The following CHD5 variants were observed in gnomAD, a reference collection of about 807,000 sequenced individuals.
CHD5 encodes chromodomain helicase DNA binding protein 5.
A neutral mutation model predicts 230.3 loss-of-function variants in CHD5; 69 were observed. The ratio of observed to expected loss-of-function variants is 0.30; its 90% CI spans 0.25 to 0.37. CHD5 has a LOEUF of 0.37. Ranked by LOEUF, CHD5 falls within the 10% of genes least tolerant of loss-of-function variation. The probability of loss-of-function intolerance (pLI) is 1.00; values close to 1 mark genes in which losing one functional copy is unlikely to be tolerated. For missense variants in CHD5, 1,827 were observed against 2,622.8 expected (o/e 0.70, Z 6.63); for synonymous variants, 1,064 against 1,065.9 (o/e 1.00, Z 0.03).
At chr1:6,148,702 A>G in intron 9 of CHD5, 152 bp downstream of exon 9, 1 of 556,984 alleles carries the variant, frequency 1.8e-6, no homozygotes, top group Non-Finnish European at 3.0e-6. Context: ...GGTCTCGAGC[A>G]GCGCGGGCGA....
intron 9 of CHD5, among the ~76,000 whole-genome samples, chr1:6,147,192 C>T (rs754157601): frequency 4.6e-5 from 7 of 152,188 alleles, no homozygotes; most frequent in Non-Finnish European, 8.8e-5. Flanking sequence ...GAGGCCCACT[C>T]GGCAAGGGAC....
Position 6,130,824 on chromosome 1 carries a change from C to T in CHD5, c.3263-496G>A, listed in dbSNP as rs866715914. On this transcript the variant is annotated intron_variant, in intron 21 of 41. Transcript: ENST00000262450. The surrounding 1 kb of genome is among the most constrained non-coding windows in gnomAD (Gnocchi z 4.9). ...TGGTTCTCAGCCTCTCAGGGCCCTT[C>T]AGTGACCTGGGACTGACCACAGCCC... Among the ~76,000 whole-genome samples the T allele has an allele frequency of 6.6e-6, 1 of 152,204 alleles. No individual in the cohort carries two copies. The highest frequency in any genetic ancestry group is 6.5e-5 in the Admixed American group (1 of 15,280).
At chr1:6,178,192 C>T (rs1026701225) in intron 1 of CHD5, among the ~76,000 whole-genome samples, 14 of 152,206 alleles carry the variant, frequency 9.2e-5, no homozygotes, top group African/African-American at 2.9e-4. Context: ...GCCAACCCAC[C>T]GAGGGGGAGC....
chr1:6,134,674 A>C lies in CHD5; in HGVS notation c.3012+44T>G. The C allele has an allele frequency of 1.3e-6, 2 of 1,596,280 alleles. No homozygotes were observed. Among genetic ancestry groups the C allele is most frequent in the Middle Eastern group, 1.7e-4 (1 of 6,024 alleles). ...ACCATGGCGGCCACAGGCACCTACC[A>C]TGGCGGTCATGGAGAAGCTGCCATG... On this transcript the variant is annotated intron_variant, in intron 19 of 41. Coordinates refer to ENST00000262450, the MANE Select transcript of CHD5 (RefSeq NM_015557.3). The surrounding 1 kb of genome is among the most constrained non-coding windows in gnomAD (Gnocchi z 6.3).
chr1:6,178,848 A>C (rs1466335187), intron 1 of CHD5, among the ~76,000 whole-genome samples: 1 of 152,126 alleles, frequency 6.6e-6, no homozygotes, highest in Non-Finnish European at 1.5e-5. Flanking sequence ...GGAGGTGTCC[A>C]TTTGTGGAGT....
Position 6,129,124 on chromosome 1 carries a change from A to G in CHD5, c.3388-55T>C. Reference sequence around the variant, plus strand: ...GCTCACCCAGGGCTCCAGGCAATGGAGGAGATCACACCCATGAGCTCAAGA... The same window carrying G: ...GCTCACCCAGGGCTCCAGGCAATGGGGGAGATCACACCCATGAGCTCAAGA... On this transcript the variant is annotated intron_variant, in intron 22 of 41. Transcript: ENST00000262450. The surrounding 1 kb of genome is among the most constrained non-coding windows in gnomAD (Gnocchi z 6.8). 8.1e-7 allele frequency: 1 copy of G among 1,237,978 alleles called. No homozygotes were observed. Among genetic ancestry groups the G allele is most frequent in the Non-Finnish European group, 1.2e-6 (1 of 861,368 alleles). The allele number at this position is 1,237,978 out of a possible 1,614,324, so 76.7% of individuals were successfully genotyped here.
At chr1:6,133,145 G>C (rs1369539962) in intron 20 of CHD5, among the ~76,000 whole-genome samples, 2 of 152,286 alleles carry the variant, frequency 1.3e-5, no homozygotes, top group Admixed American at 1.3e-4. Flanking sequence ...GGGTTCATAG[G>C]CTCATTTTGG....
intron 13 of CHD5, 151 bp downstream of exon 13, chr1:6,143,672 G>A: frequency 1.4e-6 from 1 of 701,724 alleles, no homozygotes. Flanking sequence ...CCTTCCAGCT[G>A]TCCTAGCCTA....
intron 8 of CHD5, 30 bp downstream of exon 8, chr1:6,149,216 C>T: frequency 6.5e-7 from 1 of 1,543,396 alleles, no homozygotes; most frequent in South Asian, 1.2e-5. Flanking sequence ...CGTGGCCCCG[C>T]CCCCAGCCCG....
At chr1:6,141,459 T>C (rs1450498310) in intron 15 of CHD5, among the ~76,000 whole-genome samples, 2 of 151,066 alleles carry the variant, frequency 1.3e-5, no homozygotes, top group African/African-American at 4.9e-5. Flanking sequence ...TACCAAAAAA[T>C]ACAAAATTAG....
rs547474703 is a variant in CHD5 at position 6,112,529 on chromosome 1, G to A, written c.5003-252C>T. On this transcript the variant is annotated intron_variant, in intron 34 of 41. Transcript: ENST00000262450. ...CCACCCAGGAGTAGGACAGGAGAGCGCTGTGAAAAGTACAGTTCAAGTTCA... is the reference window on the plus strand; with the variant it reads ...CCACCCAGGAGTAGGACAGGAGAGCACTGTGAAAAGTACAGTTCAAGTTCA... Among the ~76,000 whole-genome samples the A allele has an allele frequency of 1.1e-4, 16 of 152,340 alleles. 1 individual carries two copies. Among genetic ancestry groups the A allele is most frequent in the East Asian group, 3.9e-4 (2 of 5,186 alleles).
intron 2 of CHD5, among the ~76,000 whole-genome samples, chr1:6,159,940 G>A (rs369610945): frequency 2.6e-5 from 4 of 152,400 alleles, no homozygotes; most frequent in East Asian, 3.9e-4. Context: ...AGGAGCTGGC[G>A]GTGGAGGATG....
At chr1:6,178,630 G>A (rs960792204) in intron 1 of CHD5, among the ~76,000 whole-genome samples, 1 of 152,068 alleles carries the variant, frequency 6.6e-6, no homozygotes, top group South Asian at 2.1e-4. Context: ...CCCCAAGAGA[G>A]GACTCCCCTA....
intron 1 of CHD5, among the ~76,000 whole-genome samples, chr1:6,175,039 G>C (rs1029102796): frequency 6.6e-6 from 1 of 151,778 alleles, no homozygotes; most frequent in African/African-American, 2.4e-5. Context: ...ATGATGGATG[G>C]ATGGTGGGTG....
chr1:6,146,306 T>C lies in CHD5; in HGVS notation c.1708A>G (p.Asn570Asp), dbSNP rs1355385703. The C allele has an allele frequency of 6.2e-7, 1 of 1,614,096 alleles. No individual in the cohort carries two copies. Residue 570 changes from asparagine (N) to aspartate (D), a missense_variant, in exon 11 of 42, where the codon AAC (asparagine) becomes GAC (aspartate). Around this residue, in one of 14 missense-constraint regions of CHD5, gnomAD observed 657 missense variants for 816.4 expected, o/e 0.80. Transcript: ENST00000262450. The surrounding 1 kb of genome is among the most constrained non-coding windows in gnomAD (Gnocchi z 5.1). ...DEDGKSEKRK[N>D]KDPLYAKMEE... ...ATCTTGGCATAGAGGGGGTCCTTGT[T>C]CTTCCTCTTCTCGCTCTTGCCGTCT...
In CHD5 at chr1:6,148,938, G is replaced by C. The variant is rs773642735; in HGVS notation, c.1299C>G (p.Ala433=). ...AATGCAGGTGGTAGGAGGAGGGGCAGGCGTCGCAGCAGAGCAGCTCGCCCC... is the reference window on the plus strand; with the variant it reads ...AATGCAGGTGGTAGGAGGAGGGGCACGCGTCGCAGCAGAGCAGCTCGCCCC... The part of the protein sequence containing the change: ...KDGGELLCCD[A]CPSSYHLHCL... The change falls in exon 9 of 42, where the codon GCC becomes GCG. Residue 433 remains alanine (A), a synonymous_variant. Coordinates refer to ENST00000262450, the MANE Select transcript of CHD5 (RefSeq NM_015557.3). 15 of 1,595,328 alleles carry C rather than the reference G, an allele frequency of 9.4e-6. No homozygotes were observed. In the Admixed American group the frequency reaches 1.0e-4, roughly 11 times the overall value.
At chr1:6,111,498 C>T (rs893719499) in intron 36 of CHD5, among the ~76,000 whole-genome samples, 1 of 150,100 alleles carries the variant, frequency 6.7e-6, no homozygotes, top group Non-Finnish European at 1.5e-5. Context: ...CAAGCTGCTA[C>T]ACTCCAGCCT....
At chr1:6,151,224 T>C (rs1267880399) in intron 6 of CHD5, 69 bp from the exon 7 acceptor site, 20 of 1,516,398 alleles carry the variant, frequency 1.3e-5, no homozygotes, top group Non-Finnish European at 1.6e-5. Context: ...CCAGGCAGTG[T>C]GGGGTGGGAC....
rs1295527704 is a variant in CHD5, at chr1:6,167,492, C to A, written c.207+658G>T. On this transcript the variant is annotated intron_variant, in intron 2 of 41. Coordinates refer to ENST00000262450, the MANE Select transcript of CHD5 (RefSeq NM_015557.3). This position sits in a 1 kb window ranked among gnomAD's most constrained non-coding sequence, Gnocchi z 4.5. Reference sequence around the variant, plus strand: ...TTAAGCTGCAAACCCACCTCAGTTTCCCCATCTGCCAACCAGCGATCATCC... The same window carrying A: ...TTAAGCTGCAAACCCACCTCAGTTTACCCATCTGCCAACCAGCGATCATCC... Among the ~76,000 whole-genome samples the A allele has an allele frequency of 2.0e-5, 3 of 152,184 alleles. No homozygotes were observed. The highest frequency in any genetic ancestry group is 7.2e-5 in the African/African-American group (3 of 41,430).
Sources: gnomAD v4.1 joint callset for allele counts (sites outside exome capture counted in the v4.1 genomes callset) on GRCh38, gnomAD v4.1.1 for gene constraint, gnomAD v4.1.1 regional missense constraint, Gnocchi (gnomAD v3.1) non-coding constraint, MANE v1.5 for transcripts, NCBI Gene and HGNC (gene_info 2026-07-23, HGNC 2026-07-21) for gene names.